The following LRRC37A2 variants were observed in gnomAD, a reference collection of about 807,000 sequenced individuals.
The protein encoded by LRRC37A2 is leucine-rich repeat-containing protein 37A2.
LRRC37A2 carries 9 observed loss-of-function variants against 68.8 expected under a neutral mutation model. The observed-to-expected ratio is 0.13, with a 90% CI of 0.08 to 0.23. The LOEUF (loss-of-function observed/expected upper bound fraction) is 0.23. Among genes scored for constraint, LRRC37A2 ranks in the 10% least tolerant of loss-of-function variants. The probability of loss-of-function intolerance (pLI) is 1.00; values close to 1 mark genes in which losing one functional copy is unlikely to be tolerated. For synonymous variants in LRRC37A2, 63 were observed against 367.6 expected (o/e 0.17, Z 9.48); for missense variants, 168 against 950.4 (o/e 0.18, Z 10.82).
the LRRC37A2 span, among the ~76,000 whole-genome samples, chr17:46,836,177 A>G: frequency 6.7e-6 from 1 of 149,556 alleles, no homozygotes; most frequent in Non-Finnish European, 1.5e-5. Flanking sequence ...ACACCTCACC[A>G]CAGATCTTAA....
At chr17:46,809,458 C>A in the LRRC37A2 span, among the ~76,000 whole-genome samples, 1 of 152,182 alleles carries the variant, frequency 6.6e-6, no homozygotes, top group African/African-American at 2.4e-5. Flanking sequence ...TCCTGTTGCT[C>A]CCATCCCCCT....
chr17:46,389,203 A>G, the LRRC37A2 span, among the ~76,000 whole-genome samples: 24 of 151,764 alleles, frequency 1.6e-4, no homozygotes, highest in Non-Finnish European at 2.9e-4. Context: ...TCAAAAATAA[A>G]TAAATAAATA....
the LRRC37A2 span, chr17:46,851,778 A>G: frequency 2.3e-6 from 2 of 885,696 alleles, no homozygotes; most frequent in Non-Finnish European, 3.0e-6. The surrounding 1 kb of genome is among the most constrained non-coding windows in gnomAD (Gnocchi z 4.3). Flanking sequence ...CCTGCGCTAC[A>G]GCTGGGCCAA....
At chr17:46,816,475 G>GCGCACACA in the LRRC37A2 span, among the ~76,000 whole-genome samples, 2 of 144,364 alleles carry the variant, frequency 1.4e-5, no homozygotes, top group South Asian at 2.2e-4. Context: ...CAGAACACAC[G>GCGCACACA]CACACACACA....
the LRRC37A2 span, among the ~76,000 whole-genome samples, chr17:46,734,659 C>A: frequency 6.6e-6 from 1 of 151,990 alleles, no homozygotes; most frequent in South Asian, 2.1e-4. Context: ...TAAGATAATG[C>A]CTAGTGAAGC....
chr17:46,725,302 C>T, the LRRC37A2 span, among the ~76,000 whole-genome samples: 1 of 152,152 alleles, frequency 6.6e-6, no homozygotes, highest in East Asian at 1.9e-4. Flanking sequence ...TTTTATCCAC[C>T]TCACAGTCCA....
chr17:46,818,618 A>G, the LRRC37A2 span: 2 of 1,580,498 alleles, frequency 1.3e-6, no homozygotes, highest in Non-Finnish European at 1.7e-6. Flanking sequence ...GCCGAGGAGG[A>G]AGTTTGCCCG....
At chr17:46,732,133 C>T in the LRRC37A2 span, among the ~76,000 whole-genome samples, 1 of 151,944 alleles carries the variant, frequency 6.6e-6, no homozygotes, top group South Asian at 2.1e-4. Context: ...GGTAAGAAAA[C>T]AAAAGTTGTG....
At chr17:46,796,732 C>T in the LRRC37A2 span, among the ~76,000 whole-genome samples, 1 of 152,226 alleles carries the variant, frequency 6.6e-6, no homozygotes, top group South Asian at 2.1e-4. Flanking sequence ...TGAGCGGTGC[C>T]TGATCAGTCC....
chr17:46,828,402 T>C, the LRRC37A2 span, among the ~76,000 whole-genome samples: 1,127 of 152,140 alleles, frequency 7.4e-3, 18 homozygotes, highest in African/African-American at 0.026. Flanking sequence ...TTCCATCATG[T>C]TGCCCAGCCA....
At chr17:46,979,046 G>C in the LRRC37A2 span, 2 of 1,368,830 alleles carry the variant, frequency 1.5e-6, no homozygotes, top group African/African-American at 3.1e-5. Context: ...GCAGTCCCGG[G>C]TGCACTGGGC....
At chr17:46,788,011 A>G in the LRRC37A2 span, among the ~76,000 whole-genome samples, 1 of 151,810 alleles carries the variant, frequency 6.6e-6, no homozygotes, top group Non-Finnish European at 1.5e-5. Flanking sequence ...ACCCCACCTC[A>G]GTGCAGGTGA....
chr17:46,795,913 C>T, the LRRC37A2 span, among the ~76,000 whole-genome samples: 2 of 152,146 alleles, frequency 1.3e-5, no homozygotes, highest in Non-Finnish European at 2.9e-5. Context: ...CGCACACACA[C>T]GTGTGCACAC....
chr17:46,758,714 C>T, the LRRC37A2 span, among the ~76,000 whole-genome samples: 1 of 152,110 alleles, frequency 6.6e-6, no homozygotes, highest in Non-Finnish European at 1.5e-5. Context: ...AAAATTGCAG[C>T]CTCCCCTTTA....
chr17:46,495,378 T>TTTTTTG, the LRRC37A2 span, among the ~76,000 whole-genome samples: 7 of 149,494 alleles, frequency 4.7e-5, no homozygotes, highest in Non-Finnish European at 7.4e-5. Context: ...CTTTATGCGT[T>TTTTTTG]TTTTTGTTTT....
the LRRC37A2 span, among the ~76,000 whole-genome samples, chr17:47,047,728 A>G: frequency 3.6e-4 from 54 of 151,990 alleles, no homozygotes; most frequent in East Asian, 4.4e-3. Flanking sequence ...ATGCTGTTTT[A>G]TTTGAAGCCT....
the LRRC37A2 span, among the ~76,000 whole-genome samples, chr17:46,454,234 A>G: frequency 4.6e-4 from 48 of 104,804 alleles, no homozygotes; most frequent in African/African-American, 1.1e-3. Flanking sequence ...GAATAAGCAC[A>G]GTCCATAAAT....
chr17:46,976,545 T>TCAAA, the LRRC37A2 span, among the ~76,000 whole-genome samples: 1 of 151,996 alleles, frequency 6.6e-6, no homozygotes, highest in South Asian at 2.1e-4. Flanking sequence ...AGATTCCATC[T>TCAAA]CAAACAAACA....
At chr17:46,545,080 G>A (rs968151976) in intron 8 of LRRC37A2, among the ~76,000 whole-genome samples, 1 of 135,342 alleles carries the variant, frequency 7.4e-6, no homozygotes, top group African/African-American at 3.0e-5. Flanking sequence ...CGTAACCGCA[G>A]ATGGCCTGTA....
Sources: allele counts gnomAD v4.1 joint callset (sites outside exome capture counted in the v4.1 genomes callset), GRCh38; gene constraint gnomAD v4.1.1; non-coding constraint Gnocchi (gnomAD v3.1); transcripts MANE v1.5; gene names NCBI Gene and HGNC (gene_info 2026-07-23, HGNC 2026-07-21).